GNG12: variants seen among roughly 807,000 people sequenced by gnomAD.
GNG12 encodes guanine nucleotide-binding protein G(I)/G(S)/G(O) subunit gamma-12.
For missense variants in GNG12, 69 were observed against 83.8 expected, an observed-to-expected ratio of 0.82 and a Z score of 0.69; for synonymous variants, 28 against 29.7, an observed-to-expected ratio of 0.94 and a Z score of 0.19.
intron 1 of GNG12, among the ~76,000 whole-genome samples, chr1:67,810,275 G>C (rs1324908089): frequency 1.3e-5 from 2 of 152,206 alleles, no homozygotes; most frequent in Non-Finnish European, 2.9e-5. Flanking sequence ...TGAATAGGCA[G>C]AGCACACAGG....
intron 1 of GNG12, among the ~76,000 whole-genome samples, chr1:67,830,942 AGT>A (rs1647040898): frequency 6.6e-6 from 1 of 152,224 alleles, no homozygotes; most frequent in African/African-American, 2.4e-5. Flanking sequence ...GTCCAGTTTA[AGT>A]GTTTTCCAAA....
chr1:67,779,749 G>T (rs965338120), intron 1 of GNG12, among the ~76,000 whole-genome samples: 5 of 152,090 alleles, frequency 3.3e-5, no homozygotes, highest in African/African-American at 1.2e-4. Flanking sequence ...CTGAAGGAGG[G>T]GGATGCGTTC....
At chr1:67,737,113 A>T (rs1019250566) in intron 2 of GNG12, among the ~76,000 whole-genome samples, 3 of 152,166 alleles carry the variant, frequency 2.0e-5, no homozygotes, top group African/African-American at 7.2e-5. Flanking sequence ...TGCAACTAAA[A>T]CCAAGTCTTA....
At chr1:67,810,919 T>C (rs1018587310) in intron 1 of GNG12, among the ~76,000 whole-genome samples, 14 of 152,226 alleles carry the variant, frequency 9.2e-5, no homozygotes, top group African/African-American at 3.4e-4. Flanking sequence ...ATTTATTACA[T>C]GTAATACAAC....
At chr1:67,768,203 C>T (rs540557534) in intron 2 of GNG12, among the ~76,000 whole-genome samples, 2 of 152,320 alleles carry the variant, frequency 1.3e-5, no homozygotes, top group South Asian at 4.1e-4. Context: ...ACCTCAATAA[C>T]CCTATGCAGT....
At chr1:67,829,876 G>C (rs1053599617) in intron 1 of GNG12, among the ~76,000 whole-genome samples, 1 of 152,130 alleles carries the variant, frequency 6.6e-6, no homozygotes, top group African/African-American at 2.4e-5. Context: ...TCCCAGTGGA[G>C]CAATTAGTAA....
chr1:67,795,708 A>C (rs1646827445), intron 1 of GNG12, among the ~76,000 whole-genome samples: 1 of 152,170 alleles, frequency 6.6e-6, no homozygotes, highest in African/African-American at 2.4e-5. Context: ...GAAACAACCC[A>C]AATATCCAGT....
intron 1 of GNG12, among the ~76,000 whole-genome samples, chr1:67,780,390 C>T (rs1646730844): frequency 1.3e-5 from 2 of 152,142 alleles, no homozygotes; most frequent in African/African-American, 4.8e-5. Flanking sequence ...GCTCTCATTG[C>T]CCTTGCACTT....
chr1:67,827,306 T>C (rs1403100299), intron 1 of GNG12, among the ~76,000 whole-genome samples: 2 of 152,182 alleles, frequency 1.3e-5, no homozygotes, highest in Non-Finnish European at 2.9e-5. Flanking sequence ...CCACTTATTA[T>C]ACAATCAATG....
chr1:67,762,414 A>G (rs1646610936), intron 2 of GNG12, among the ~76,000 whole-genome samples: 1 of 152,224 alleles, frequency 6.6e-6, no homozygotes, highest in African/African-American at 2.4e-5. Flanking sequence ...CTGTAAGGCT[A>G]GAAGAGGCTT....
chr1:67,819,658 T>C (rs1646973970), intron 1 of GNG12, among the ~76,000 whole-genome samples: 2 of 150,424 alleles, frequency 1.3e-5, no homozygotes, highest in South Asian at 2.1e-4. Flanking sequence ...AGATTCTTTA[T>C]AATGGCTTAT....
At chr1:67,766,085 C>CA (rs1017448069) in intron 2 of GNG12, among the ~76,000 whole-genome samples, 2 of 148,078 alleles carry the variant, frequency 1.4e-5, no homozygotes, top group Non-Finnish European at 3.0e-5. Flanking sequence ...GGCAAAAACT[C>CA]AAACAAAACA....
chr1:67,789,234 G>A (rs1164669723), intron 1 of GNG12, among the ~76,000 whole-genome samples: 5 of 152,166 alleles, frequency 3.3e-5, no homozygotes, highest in Admixed American at 6.5e-5. Flanking sequence ...CTCAGGAAAC[G>A]TCATCCAGGC....
intron 1 of GNG12, among the ~76,000 whole-genome samples, chr1:67,789,113 G>C (rs1239171493): frequency 6.6e-6 from 1 of 152,180 alleles, no homozygotes; most frequent in Admixed American, 6.5e-5. Context: ...GGGTGGTAAT[G>C]AATAAAATAG....
chr1:67,715,745 T>C (rs774628557), intron 2 of GNG12, among the ~76,000 whole-genome samples: 12 of 152,258 alleles, frequency 7.9e-5, no homozygotes, highest in Non-Finnish European at 1.3e-4. Context: ...ATTCTCTTTA[T>C]TGAAGCTCAT....
At chr1:67,824,534 CAAGAA>C (rs975346990) in intron 1 of GNG12, among the ~76,000 whole-genome samples, 1 of 136,296 alleles carries the variant, frequency 7.3e-6, no homozygotes, top group African/African-American at 2.7e-5. Flanking sequence ...AAAAAGGAAG[CAAGAA>C]AAGAAAAGAA....
In GNG12 at chr1:67,786,382, TTGG is replaced by T. The variant is rs1456049752; in HGVS notation, c.-76-8878_-76-8876del. ...GGACAAATTAAGACCTAACACTAAA[TTGG>T]ACGGTGGTCCCCAGATAGAGAGGAT... On this transcript the variant is annotated intron_variant, in intron 1 of 3. Coordinates refer to ENST00000370982, the MANE Select transcript of GNG12 (RefSeq NM_018841.6). Among the ~76,000 whole-genome samples the T allele has an allele frequency of 4.4e-3, 669 of 152,286 alleles. 5 individuals are homozygous for T. The highest frequency in any genetic ancestry group is 0.015 in the African/African-American group (638 of 41,560).
At chr1:67,736,735 T>C (rs1292813185) in intron 2 of GNG12, among the ~76,000 whole-genome samples, 2 of 152,170 alleles carry the variant, frequency 1.3e-5, no homozygotes, top group Non-Finnish European at 2.9e-5. Context: ...CCTCAGCAGA[T>C]AGGGACTGAG....
intron 1 of GNG12, among the ~76,000 whole-genome samples, chr1:67,824,025 G>C (rs780591442): frequency 2.0e-5 from 3 of 152,078 alleles, no homozygotes; most frequent in South Asian, 2.1e-4. Flanking sequence ...ATTTTAAAAG[G>C]TAAGGTAAAG....
Sources: allele counts gnomAD v4.1 joint callset (sites outside exome capture counted in the v4.1 genomes callset), GRCh38; gene constraint gnomAD v4.1.1; transcripts MANE v1.5; gene names NCBI Gene and HGNC (gene_info 2026-07-23, HGNC 2026-07-21).